TYW1: variants seen among roughly 807,000 people sequenced by gnomAD.
TYW1 encodes S-adenosyl-L-methionine-dependent tRNA 4-demethylwyosine synthase TYW1.
TYW1 carries 46 observed loss-of-function variants against 96.2 expected under a neutral mutation model. The observed-to-expected ratio is 0.48, with a 90% confidence interval of 0.38 to 0.61. The LOEUF (loss-of-function observed/expected upper bound fraction) is 0.61, where lower values mean the gene tolerates loss of function less well. TYW1 is among the 20% of genes least tolerant of loss of function. The pLI, the probability that TYW1 is intolerant of heterozygous loss-of-function variation, is 0.00. For synonymous variants in TYW1, 274 were observed against 323.0 expected (o/e 0.85, Z 1.63); for missense variants, 684 against 909.6 (o/e 0.75, Z 3.19).
chr7:67,094,651 AGTGTGTGT>A (rs56069939), intron 11 of TYW1, among the ~76,000 whole-genome samples: 2,943 of 141,664 alleles, frequency 0.021, 48 homozygotes, highest in African/African-American at 0.043. Context: ...AGAGAATTAG[AGTGTGTGT>A]GTGTGTGTGT....
At chr7:67,037,521 A>AAG (rs1554350354) in intron 7 of TYW1, among the ~76,000 whole-genome samples, 1 of 151,732 alleles carries the variant, frequency 6.6e-6, no homozygotes, top group Non-Finnish European at 1.5e-5. Context: ...AAAAAAAAAA[A>AAG]AGATAATCCT....
intron 4 of TYW1, among the ~76,000 whole-genome samples, chr7:67,013,782 C>T (rs1317222236): frequency 3.3e-5 from 4 of 120,890 alleles, no homozygotes; most frequent in Non-Finnish European, 6.4e-5. Flanking sequence ...CTTGCTCTGT[C>T]GCCCAGGCTG....
chr7:67,116,205 A>C (rs1362178155), intron 12 of TYW1, among the ~76,000 whole-genome samples: 1 of 152,032 alleles, frequency 6.6e-6, no homozygotes, highest in Non-Finnish European at 1.5e-5. Context: ...GTACACTTGT[A>C]ATCCCAGCTA....
intron 12 of TYW1, among the ~76,000 whole-genome samples, chr7:67,099,819 A>T (rs1271700547): frequency 6.6e-6 from 1 of 152,192 alleles, no homozygotes; most frequent in Non-Finnish European, 1.5e-5. Context: ...TCTGACCAAC[A>T]TGGGGAAACC....
chr7:66,997,919 G>C, intron 1 of TYW1, 146 bp from the exon 2 acceptor site: 2 of 1,121,866 alleles, frequency 1.8e-6, no homozygotes, highest in Non-Finnish European at 2.4e-6. Context: ...ATGAGCCATC[G>C]TGCCCGGCCA....
chr7:67,205,392 G>A (rs1434809019), intron 15 of TYW1, among the ~76,000 whole-genome samples: 46 of 151,902 alleles, frequency 3.0e-4, no homozygotes. Flanking sequence ...GAGGCGGGGG[G>A]GGGGCCTTAT....
rs13309395 is a variant in TYW1 at position 67,084,090 on chromosome 7, C to T, written c.1384+551C>T. Among the ~76,000 whole-genome samples, 9 of 152,288 alleles carry T rather than the reference C, an allele frequency of 5.9e-5. No individual in the cohort carries two copies. The South Asian group carries it at 1.9e-3, about 32-fold the overall frequency. On this transcript the variant is annotated intron_variant, in intron 11 of 15. Coordinates refer to ENST00000359626, the MANE Select transcript of TYW1 (RefSeq NM_018264.4). ...CAACTTATAATATGCTGCATTCAGC[C>T]TGAAAGCTTTACCTGGGAATGTACC... is the stretch of plus-strand genomic sequence containing the variant.
intron 3 of TYW1, among the ~76,000 whole-genome samples, chr7:67,009,065 A>G (rs1793698825): frequency 6.6e-6 from 1 of 152,054 alleles, no homozygotes; most frequent in Non-Finnish European, 1.5e-5. Flanking sequence ...GCTAGAGTGC[A>G]TTGGTGTGAT....
intron 4 of TYW1, among the ~76,000 whole-genome samples, chr7:67,013,020 A>G (rs191290419): frequency 7.2e-5 from 11 of 152,116 alleles, no homozygotes; most frequent in Non-Finnish European, 1.3e-4. Flanking sequence ...TGTTTAGATA[A>G]TGGTGCCAAG....
intron 13 of TYW1, among the ~76,000 whole-genome samples, chr7:67,130,646 A>G (rs1798042733): frequency 6.6e-6 from 1 of 151,782 alleles, no homozygotes; most frequent in Non-Finnish European, 1.5e-5. Flanking sequence ...CCTGGGCGAC[A>G]GAGCGAGACT....
At chr7:67,081,213 T>G (rs62468362) in intron 10 of TYW1, among the ~76,000 whole-genome samples, 5,659 of 143,002 alleles carry the variant, frequency 0.04, 166 homozygotes, top group Middle Eastern at 0.1. Flanking sequence ...CAGTTTTGCT[T>G]GGTGGTCTTT....
intron 15 of TYW1, among the ~76,000 whole-genome samples, chr7:67,210,027 T>C (rs964828426): frequency 3.3e-5 from 5 of 152,204 alleles, no homozygotes; most frequent in Non-Finnish European, 5.9e-5. Context: ...TGAGCCAATA[T>C]TGATTTGTGA....
chr7:67,016,873 C>A (rs1794041921), intron 5 of TYW1, among the ~76,000 whole-genome samples: 1 of 151,960 alleles, frequency 6.6e-6, no homozygotes, highest in African/African-American at 2.4e-5. Flanking sequence ...ATTCTTCTCA[C>A]CCCGGTCTCC....
chr7:67,171,091 G>A (rs1164100261), intron 13 of TYW1, among the ~76,000 whole-genome samples: 1 of 151,960 alleles, frequency 6.6e-6, no homozygotes, highest in Admixed American at 6.6e-5. Flanking sequence ...GGTCTGTTCC[G>A]ATTGTCCATT....
At position 66,998,941 on chromosome 7, in the gene TYW1, C is replaced by A; in HGVS notation, c.260C>A (p.Thr87Asn). Residue 87 changes from threonine to asparagine, a missense_variant, in exon 3 of 16, where the codon ACT (threonine) becomes AAT (asparagine). Coordinates refer to ENST00000359626, the MANE Select transcript of TYW1 (RefSeq NM_018264.4). ...GTGAAGATTTTTTATGGTTCTCAGA[C>A]TGGAACAGCGAAGGTAAGAAATTTA... is the stretch of plus-strand genomic sequence containing the variant. ...SGVKIFYGSQTGTAKGFATVL... is the reference protein window; with the variant it reads ...SGVKIFYGSQNGTAKGFATVL... The A allele has an allele frequency of 6.2e-7, 1 of 1,613,952 alleles. No homozygotes were observed. The highest frequency in any genetic ancestry group is 8.5e-7 in the Non-Finnish European group (1 of 1,179,984).
At chr7:67,158,577 A>T (rs1799059428) in intron 13 of TYW1, among the ~76,000 whole-genome samples, 1 of 150,298 alleles carries the variant, frequency 6.7e-6, no homozygotes, top group Non-Finnish European at 1.5e-5. Flanking sequence ...TATTGTTATT[A>T]TTTTTTTCTG....
chr7:67,169,621 G>A (rs1300560792), intron 13 of TYW1, among the ~76,000 whole-genome samples: 7 of 152,114 alleles, frequency 4.6e-5, no homozygotes, highest in Admixed American at 2.0e-4. Flanking sequence ...GGCTGGTCTC[G>A]AACTCCTGAC....
At chr7:67,221,539 A>T (rs1801391007) in intron 15 of TYW1, among the ~76,000 whole-genome samples, 1 of 152,152 alleles carries the variant, frequency 6.6e-6, no homozygotes, top group South Asian at 2.1e-4. Context: ...GTTATTTCTC[A>T]TATGCCTTAC....
intron 7 of TYW1, among the ~76,000 whole-genome samples, chr7:67,030,929 G>A (rs1203391874): frequency 3.9e-5 from 6 of 151,946 alleles, no homozygotes; most frequent in East Asian, 3.9e-4. Context: ...GGCCTGGCAC[G>A]GTGGCTCATG....
Sources: allele counts gnomAD v4.1 joint callset (sites outside exome capture counted in the v4.1 genomes callset), GRCh38; gene constraint gnomAD v4.1.1; transcripts MANE v1.5; gene names NCBI Gene and HGNC (gene_info 2026-07-23, HGNC 2026-07-21).